Variants in CCDC126 observed in about 807,000 individuals in gnomAD.
CCDC126 encodes the protein coiled-coil domain-containing protein 126.
In CCDC126, 5 loss-of-function variants were observed where a neutral mutation model predicts 11.7. That is an observed-to-expected ratio of 0.43 (90% CI 0.22 to 0.90). The LOEUF (loss-of-function observed/expected upper bound fraction) is 0.90, where lower values mean the gene tolerates loss of function less well. CCDC126 is among the 40% of genes least tolerant of loss of function. The pLI is 0.27. For synonymous variants in CCDC126, 60 were observed against 61.9 expected (o/e 0.97, Z 0.14); for missense variants, 150 against 163.1 (o/e 0.92, Z 0.44).
At chr7:23,640,497 C>CA (rs35379861) in intron 3 of CCDC126, among the ~76,000 whole-genome samples, 34 of 147,432 alleles carry the variant, frequency 2.3e-4, no homozygotes, top group Non-Finnish European at 3.3e-4. Context: ...AACTCTGTCT[C>CA]AAAAAAAAAA....
chr7:23,623,132 C>T (rs1782951168), intron 3 of CCDC126, among the ~76,000 whole-genome samples: 1 of 129,116 alleles, frequency 7.7e-6, no homozygotes, highest in Non-Finnish European at 1.6e-5. Context: ...CGCCACTATG[C>T]CCAGCTGATT....
At chr7:23,621,574 T>C (rs1168191563) in intron 3 of CCDC126, among the ~76,000 whole-genome samples, 1 of 152,204 alleles carries the variant, frequency 6.6e-6, no homozygotes, top group Admixed American at 6.5e-5. Context: ...TCTTTATTTC[T>C]TTCTCCTGCC....
chr7:23,600,490 T>C (rs1440750328), intron 2 of CCDC126, among the ~76,000 whole-genome samples: 1 of 151,956 alleles, frequency 6.6e-6, no homozygotes, highest in Non-Finnish European at 1.5e-5. Flanking sequence ...GGAGGACTTT[T>C]TTTTGGGTCG....
intron 3 of CCDC126, among the ~76,000 whole-genome samples, chr7:23,629,675 A>G (rs372245495): frequency 8.8e-4 from 134 of 152,126 alleles, no homozygotes; most frequent in African/African-American, 3.1e-3. Context: ...GAAAAATACA[A>G]TTAAATTAAC....
chr7:23,636,184 G>C (rs1295128624), intron 3 of CCDC126, among the ~76,000 whole-genome samples: 1 of 152,218 alleles, frequency 6.6e-6, no homozygotes, highest in Admixed American at 6.5e-5. Context: ...TGCCCAGGCT[G>C]GAGTGCAGTG....
rs775279967 is a variant in CCDC126, at chr7:23,630,718, C to CAA, written c.239-12185_239-12184dup. ...TAGGTGACAGAGCAAGACCCTATCT[C>CAA]AAAAAAAAAAAAAAAAAAAAAAAAA... On this transcript the variant is annotated intron_variant, in intron 3 of 3. Transcript: ENST00000307471. 2.2e-3 allele frequency among the ~76,000 whole-genome samples: 57 copies of CAA among 25,520 alleles called. 4 individuals are homozygous for CAA. The highest frequency in any genetic ancestry group is 0.031 in the Middle Eastern group (1 of 32). The allele number at this position is 25,520 out of a possible 152,430, so 16.7% of individuals were successfully genotyped here.
chr7:23,616,188 C>T (rs1782791912), intron 3 of CCDC126, among the ~76,000 whole-genome samples: 2 of 152,184 alleles, frequency 1.3e-5, no homozygotes, highest in Non-Finnish European at 1.5e-5. Context: ...TAAATATTCT[C>T]CTAGCATATT....
rs896422551 is a variant in CCDC126, at chr7:23,643,821, A to G, written c.*706A>G. 3 of 152,194 alleles carry G rather than the reference A, an allele frequency of 2.0e-5. No individual in the cohort carries two copies. The highest frequency in any genetic ancestry group is 7.2e-5 in the African/African-American group (3 of 41,454). The allele number at this position is 152,194 out of a possible 1,614,324, so 9.4% of individuals were successfully genotyped here. On this transcript the variant is annotated 3_prime_UTR_variant, in exon 4 of 4. Coordinates refer to ENST00000307471, the MANE Select transcript of CCDC126 (RefSeq NM_138771.4). ...TTAATAACAGCATTAAAATAGTTGT[A>G]AACTCTAATCTTATACTTATTGAAG...
intron 3 of CCDC126, among the ~76,000 whole-genome samples, chr7:23,616,976 T>C (rs1562492927): frequency 1.3e-5 from 2 of 152,214 alleles, no homozygotes; most frequent in Non-Finnish European, 2.9e-5. Context: ...TTTACTTCAT[T>C]TTTTGAGACG....
chr7:23,599,778 C>G (rs1231569564), intron 2 of CCDC126, among the ~76,000 whole-genome samples: 1 of 151,904 alleles, frequency 6.6e-6, no homozygotes, highest in Non-Finnish European at 1.5e-5. Context: ...TATTTTATTG[C>G]ATATTTTAGT....
At chr7:23,597,865 G>C (rs1008382309) in intron 1 of CCDC126, 102 bp from the exon 2 acceptor site, 2 of 151,230 alleles carry the variant, frequency 1.3e-5, no homozygotes, top group Non-Finnish European at 1.5e-5. Context: ...AGAGCCGAGC[G>C]TGGCTGGGGC....
chr7:23,617,215 G>A (rs1782808019), intron 3 of CCDC126, among the ~76,000 whole-genome samples: 1 of 151,668 alleles, frequency 6.6e-6, no homozygotes, highest in African/African-American at 2.4e-5. Context: ...GGACGTGGTG[G>A]CACACACCTG....
intron 3 of CCDC126, among the ~76,000 whole-genome samples, chr7:23,641,545 T>C (rs1783356377): frequency 6.6e-6 from 1 of 152,244 alleles, no homozygotes; most frequent in Admixed American, 6.5e-5. Flanking sequence ...TTTTGTTGCT[T>C]GTGCTTTTCT....
chr7:23,619,381 C>A, intron 3 of CCDC126: 1 of 396,490 alleles, frequency 2.5e-6, no homozygotes, highest in Admixed American at 2.9e-5. Context: ...GAAGCGCATG[C>A]TTAAACTCAG....
At chr7:23,615,062 T>G (rs1782774437) in intron 3 of CCDC126, among the ~76,000 whole-genome samples, 1 of 152,232 alleles carries the variant, frequency 6.6e-6, no homozygotes. Context: ...GACTTCTCAC[T>G]AGCTATGAAA....
At chr7:23,622,665 C>T (rs1782935755) in intron 3 of CCDC126, 1 of 533,768 alleles carries the variant, frequency 1.9e-6, no homozygotes, top group African/African-American at 1.9e-5. Flanking sequence ...CACAAAGGAA[C>T]CTATGCAGAT....
chr7:23,604,273 C>T (rs965560100), intron 2 of CCDC126: 3 of 152,160 alleles, frequency 2.0e-5, no homozygotes, highest in African/African-American at 7.2e-5. Flanking sequence ...AGGATGTCAG[C>T]AAACAGGTAA....
In CCDC126 at chr7:23,643,623, A is replaced by G. The variant is rs979472938; in HGVS notation, c.*508A>G. 1 of 152,722 alleles carries G rather than the reference A, an allele frequency of 6.5e-6. No individual in the cohort carries two copies. Among genetic ancestry groups the G allele is most frequent in the African/African-American group, 2.4e-5 (1 of 41,464 alleles). 9.5% of individuals were successfully genotyped at this position (152,722 alleles called of 1,614,324 possible). ...ATTATGAGCAGAGAAAGGAAATATA[A>G]TGTTGAAAATAATGTTTTGAAATCA... On this transcript the variant is annotated 3_prime_UTR_variant, in exon 4 of 4. Transcript: ENST00000307471.
intron 3 of CCDC126, among the ~76,000 whole-genome samples, chr7:23,636,066 G>A (rs1194322997): frequency 5.9e-5 from 9 of 152,100 alleles, no homozygotes; most frequent in African/African-American, 2.2e-4. Context: ...GGGTTTTGCT[G>A]TGTTGGCCGG....
Sources: allele counts gnomAD v4.1 joint callset (sites outside exome capture counted in the v4.1 genomes callset), GRCh38; gene constraint gnomAD v4.1.1; transcripts MANE v1.5; gene names NCBI Gene and HGNC (gene_info 2026-07-23, HGNC 2026-07-21).